Variants in LSM12 observed in about 807,000 individuals in gnomAD.
The protein encoded by LSM12 is protein LSM12.
For missense variants in LSM12, 108 were observed against 238.9 expected, an observed-to-expected ratio of 0.45 and a Z score of 3.61; for synonymous variants, 74 against 87.3, an observed-to-expected ratio of 0.85 and a Z score of 0.85.
chr17:44,037,208 A>T (rs1241494576), intron 4 of LSM12: 3 of 482,694 alleles, frequency 6.2e-6, no homozygotes, highest in South Asian at 4.8e-5. Context: ...AGGGTCACCC[A>T]CTCACTTCTT....
intron 2 of LSM12, among the ~76,000 whole-genome samples, chr17:44,053,701 A>G (rs2049675178): frequency 6.6e-6 from 1 of 152,162 alleles, no homozygotes; most frequent in South Asian, 2.1e-4. Flanking sequence ...CTGTTCTTCA[A>G]ACTCCCTATA....
rs537115117 is a variant in LSM12 at position 44,049,418 on chromosome 17, T to C, written c.259-9162A>G. 1.8e-4 allele frequency among the ~76,000 whole-genome samples: 28 copies of C among 152,136 alleles called. No homozygotes were observed. The East Asian group carries it at 1.9e-3, about 10-fold the overall frequency. ...TCAGCCTACAGAGTAGCTGAGACTA[T>C]AGGTGTGCGCCACCACACCCAGCTA... On this transcript the variant is annotated intron_variant, in intron 2 of 4. Coordinates refer to ENST00000293406, the MANE Select transcript of LSM12 (RefSeq NM_001371445.1).
chr17:44,042,549 G>A lies in LSM12; in HGVS notation c.259-2293C>T, dbSNP rs376888589. 4.2e-5 allele frequency among the ~76,000 whole-genome samples: 6 copies of A among 141,664 alleles called. No homozygotes were observed. In the South Asian group the frequency reaches 1.2e-3, roughly 28 times the overall value. The allele number at this position is 141,664 out of a possible 152,430, so 92.9% of individuals were successfully genotyped here. ...AGAGTAGCTGGGATTACAGGTGCCC[G>A]CCACCACCCCCAGCTAATTTTTTTT... On this transcript the variant is annotated intron_variant, in intron 2 of 4. Transcript: ENST00000293406.
At chr17:44,066,178 A>G (rs1389429793) in intron 1 of LSM12, among the ~76,000 whole-genome samples, 7 of 140,902 alleles carry the variant, frequency 5.0e-5, no homozygotes, top group African/African-American at 1.6e-4. Flanking sequence ...CCCCTCTCAT[A>G]ACGTTCCCCC....
chr17:44,049,433 A>T (rs1020050391), intron 2 of LSM12, among the ~76,000 whole-genome samples: 2 of 151,950 alleles, frequency 1.3e-5, no homozygotes, highest in Admixed American at 1.3e-4. Context: ...GTGCGCCACC[A>T]CACCCAGCTA....
At chr17:44,057,044 T>C (rs2049724254) in intron 2 of LSM12, among the ~76,000 whole-genome samples, 1 of 151,814 alleles carries the variant, frequency 6.6e-6, no homozygotes, top group Non-Finnish European at 1.5e-5. Flanking sequence ...TACTCCCAGC[T>C]ACTCGGGAGG....
At chr17:44,062,874 T>C (rs923867669) in intron 2 of LSM12, among the ~76,000 whole-genome samples, 2 of 151,160 alleles carry the variant, frequency 1.3e-5, no homozygotes, top group Admixed American at 6.6e-5. Context: ...ATAAAACAAA[T>C]TAGCCGGGTG....
chr17:44,041,331 ACAAACAC>A (rs1567955909), intron 2 of LSM12, among the ~76,000 whole-genome samples: 16 of 131,320 alleles, frequency 1.2e-4, no homozygotes, highest in East Asian at 1.0e-3. Context: ...ACACACACAC[ACAAACAC>A]ACACACACAC....
intron 2 of LSM12, among the ~76,000 whole-genome samples, chr17:44,062,503 C>T (rs748416407): frequency 6.6e-6 from 1 of 152,126 alleles, no homozygotes; most frequent in African/African-American, 2.4e-5. Flanking sequence ...GAAAAATGTT[C>T]CAAGTACAGG....
At chr17:44,056,736 A>T (rs2049719456) in intron 2 of LSM12, among the ~76,000 whole-genome samples, 1 of 151,530 alleles carries the variant, frequency 6.6e-6, no homozygotes. Context: ...AGTGGCTCAC[A>T]CCTGTAATCC....
chr17:44,047,241 T>G (rs1341945553), intron 2 of LSM12, among the ~76,000 whole-genome samples: 1 of 152,176 alleles, frequency 6.6e-6, no homozygotes, highest in Non-Finnish European at 1.5e-5. Context: ...TTTTGCCCAT[T>G]TTTAATTGGA....
At chr17:44,047,960 G>A (rs943566574) in intron 2 of LSM12, among the ~76,000 whole-genome samples, 11 of 150,822 alleles carry the variant, frequency 7.3e-5, no homozygotes, top group East Asian at 2.0e-4. Context: ...GAGGAAGGCC[G>A]ATCACTTGAG....
chr17:44,063,765 C>A lies in LSM12; in HGVS notation c.258+36G>T, dbSNP rs1052429648. ...ACTCAATGAGACTCATCTTTCCCACCATTTTAGAGAGCCAGATCTGCCCTT... is the reference window on the plus strand; with the variant it reads ...ACTCAATGAGACTCATCTTTCCCACAATTTTAGAGAGCCAGATCTGCCCTT... On this transcript the variant is annotated intron_variant, in intron 2 of 4. Coordinates refer to ENST00000293406, the MANE Select transcript of LSM12 (RefSeq NM_001371445.1). The A allele has an allele frequency of 4.4e-6, 7 of 1,584,456 alleles. No individual in the cohort carries two copies. The African/African-American group carries it at 9.5e-5, about 21-fold the overall frequency.
At chr17:44,036,764 G>C (rs761272403) in intron 4 of LSM12, 1 of 167,140 alleles carries the variant, frequency 6.0e-6, no homozygotes, top group Non-Finnish European at 1.3e-5. Context: ...TAGGGTCAGA[G>C]ACACCGACGG....
chr17:44,065,959 C>A (rs1039171114), intron 1 of LSM12, among the ~76,000 whole-genome samples: 1 of 152,134 alleles, frequency 6.6e-6, no homozygotes, highest in African/African-American at 2.4e-5. Context: ...CCAAAACAGG[C>A]AAGGACCAAT....
intron 2 of LSM12, among the ~76,000 whole-genome samples, chr17:44,049,359 TCA>T (rs1387832892): frequency 6.6e-6 from 1 of 152,058 alleles, no homozygotes; most frequent in East Asian, 1.9e-4. Flanking sequence ...CACAATGCAG[TCA>T]CAAACTCCTG....
intron 2 of LSM12, among the ~76,000 whole-genome samples, chr17:44,057,365 G>GTCTTGATC (rs1184155808): frequency 1.3e-4 from 19 of 150,178 alleles, no homozygotes; most frequent in African/African-American, 4.4e-4. Context: ...AGCCAGGATG[G>GTCTTGATC]TCTTGATCTC....
chr17:44,066,402 CA>C, intron 1 of LSM12, 61 bp downstream of exon 1: 1 of 1,489,908 alleles, frequency 6.7e-7, no homozygotes, highest in Non-Finnish European at 8.9e-7. Context: ...CGTCGTCCCC[CA>C]CCCCCCGACC....
intron 1 of LSM12, among the ~76,000 whole-genome samples, chr17:44,064,231 G>A (rs755758537): frequency 6.7e-6 from 1 of 149,954 alleles, no homozygotes; most frequent in Non-Finnish European, 1.5e-5. Flanking sequence ...AAAAGAGCTA[G>A]ACCTTTCTGT....
Sources: gnomAD v4.1 joint callset for allele counts (sites outside exome capture counted in the v4.1 genomes callset) on GRCh38, gnomAD v4.1.1 for gene constraint, MANE v1.5 for transcripts, NCBI Gene and HGNC (gene_info 2026-07-23, HGNC 2026-07-21) for gene names.